EPB41L4A: variants seen among roughly 807,000 people sequenced by gnomAD.
EPB41L4A encodes band 4.1-like protein 4A.
EPB41L4A carries 100 observed loss-of-function variants against 108.6 expected under a neutral mutation model. That is an observed-to-expected ratio of 0.92 (90% CI 0.78 to 1.09). EPB41L4A has a LOEUF of 1.09. Ranked by LOEUF, EPB41L4A falls within the 50% of genes least tolerant of loss-of-function variation. The pLI, the probability that EPB41L4A is intolerant of heterozygous loss-of-function variation, is 0.00. For synonymous variants in EPB41L4A, 319 were observed against 289.0 expected, an observed-to-expected ratio of 1.10 and a Z score of -1.05; for missense variants, 1,030 against 842.7, an observed-to-expected ratio of 1.22 and a Z score of -2.75.
intron 12 of EPB41L4A, among the ~76,000 whole-genome samples, chr5:112,213,311 G>T (rs1225500211): frequency 6.6e-6 from 1 of 151,392 alleles, no homozygotes; most frequent in Non-Finnish European, 1.5e-5. Flanking sequence ...ATTCAAAATG[G>T]TAATCTACTG....
intron 18 of EPB41L4A, 77 bp from the exon 19 acceptor site, chr5:112,171,069 T>C: frequency 7.6e-7 from 1 of 1,308,674 alleles, no homozygotes; most frequent in Non-Finnish European, 1.1e-6. Flanking sequence ...TTAATAGTTT[T>C]CAGACTGTGA....
chr5:112,342,040 G>A (rs552741150), intron 1 of EPB41L4A, among the ~76,000 whole-genome samples: 82 of 152,116 alleles, frequency 5.4e-4, no homozygotes, highest in African/African-American at 1.8e-3. Flanking sequence ...GAGAATTCAC[G>A]AAACATTATG....
intron 2 of EPB41L4A, among the ~76,000 whole-genome samples, chr5:112,284,209 G>T (rs1290246866): frequency 6.6e-6 from 1 of 152,182 alleles, no homozygotes; most frequent in Non-Finnish European, 1.5e-5. Context: ...CCCACGTGAG[G>T]GGAAAGAGGA....
chr5:112,338,039 G>A (rs905194025), intron 1 of EPB41L4A, among the ~76,000 whole-genome samples: 6 of 152,132 alleles, frequency 3.9e-5, no homozygotes, highest in African/African-American at 1.4e-4. Context: ...GTTCAGGTCA[G>A]GCCTTCAACC....
At chr5:112,223,210 A>G (rs189684821) in intron 12 of EPB41L4A, among the ~76,000 whole-genome samples, 4 of 151,890 alleles carry the variant, frequency 2.6e-5, no homozygotes, top group Admixed American at 1.3e-4. Flanking sequence ...AAAGTGCTGG[A>G]ATTACAGGAT....
chr5:112,169,412 GA>G (rs1402337298), intron 20 of EPB41L4A, among the ~76,000 whole-genome samples: 1 of 151,990 alleles, frequency 6.6e-6, no homozygotes, highest in African/African-American at 2.4e-5. Context: ...TAGTAGCGTG[GA>G]AGTAAACAAA....
At chr5:112,189,029 A>G (rs558379120) in intron 17 of EPB41L4A, among the ~76,000 whole-genome samples, 1 of 152,364 alleles carries the variant, frequency 6.6e-6, no homozygotes, top group East Asian at 1.9e-4. Context: ...CATAATTAAA[A>G]TATTTAAATC....
chr5:112,366,700 A>G (rs1293330586), intron 1 of EPB41L4A, among the ~76,000 whole-genome samples: 1 of 152,100 alleles, frequency 6.6e-6, no homozygotes, highest in Non-Finnish European at 1.5e-5. Flanking sequence ...TGTTGTCCAC[A>G]GAGGTCAATA....
intron 1 of EPB41L4A, among the ~76,000 whole-genome samples, chr5:112,310,223 C>T (rs1342402573): frequency 6.6e-6 from 1 of 152,210 alleles, no homozygotes; most frequent in Non-Finnish European, 1.5e-5. Flanking sequence ...GTTATACTTT[C>T]TGACTGTCTA....
chr5:112,250,023 A>AT (rs397779486), intron 9 of EPB41L4A, among the ~76,000 whole-genome samples: 2 of 151,898 alleles, frequency 1.3e-5, no homozygotes, highest in African/African-American at 2.4e-5. Flanking sequence ...ATACACACAC[A>AT]TTTTTTTAAA....
chr5:112,351,555 C>T (rs1256329321), intron 1 of EPB41L4A, among the ~76,000 whole-genome samples: 1 of 152,090 alleles, frequency 6.6e-6, no homozygotes, highest in African/African-American at 2.4e-5. Context: ...ACAACTAACA[C>T]CAATTCTAAA....
intron 1 of EPB41L4A, among the ~76,000 whole-genome samples, chr5:112,310,001 T>C (rs1275979575): frequency 6.6e-6 from 1 of 152,190 alleles, no homozygotes; most frequent in Non-Finnish European, 1.5e-5. Flanking sequence ...TTCTTCCCCA[T>C]CATCCTCAGA....
intron 9 of EPB41L4A, among the ~76,000 whole-genome samples, chr5:112,258,431 T>C (rs976534642): frequency 4.6e-5 from 7 of 152,224 alleles, no homozygotes; most frequent in Non-Finnish European, 1.0e-4. Flanking sequence ...TGCACAAAGT[T>C]AGTATCAAAA....
intron 1 of EPB41L4A, among the ~76,000 whole-genome samples, chr5:112,336,622 G>C (rs547927305): frequency 6.6e-6 from 1 of 152,188 alleles, no homozygotes; most frequent in Non-Finnish European, 1.5e-5. Context: ...TTACCACTGA[G>C]TGGATCCAAA....
chr5:112,288,322 C>T (rs1391050469), intron 2 of EPB41L4A, among the ~76,000 whole-genome samples: 1 of 152,120 alleles, frequency 6.6e-6, no homozygotes, highest in African/African-American at 2.4e-5. Flanking sequence ...TCCACAAAAA[C>T]TTTTAGAAGA....
chr5:112,218,366 A>T (rs1747806221), intron 12 of EPB41L4A, among the ~76,000 whole-genome samples: 1 of 152,190 alleles, frequency 6.6e-6, no homozygotes, highest in South Asian at 2.1e-4. Flanking sequence ...AGTCACTTGG[A>T]TATCAAGTTT....
chr5:112,195,559 AAT>A, intron 16 of EPB41L4A, 100 bp downstream of exon 16: 2 of 1,002,442 alleles, frequency 2.0e-6, no homozygotes, highest in Admixed American at 2.6e-5. Context: ...AAGTAAAAAA[AAT>A]AAAAAAAAAT....
intron 1 of EPB41L4A, among the ~76,000 whole-genome samples, chr5:112,327,469 A>G (rs1322347125): frequency 2.6e-5 from 4 of 152,128 alleles, no homozygotes; most frequent in African/African-American, 9.7e-5. Flanking sequence ...TAATCCCAGC[A>G]CTTTGGGACA....
At chr5:112,373,543 C>T (rs1261353778) in intron 1 of EPB41L4A, among the ~76,000 whole-genome samples, 2 of 152,218 alleles carry the variant, frequency 1.3e-5, no homozygotes, top group South Asian at 4.1e-4. Flanking sequence ...TGTTATGTGT[C>T]ATGTGTTATT....
Sources: gnomAD v4.1 joint callset for allele counts (sites outside exome capture counted in the v4.1 genomes callset) on GRCh38, gnomAD v4.1.1 for gene constraint, MANE v1.5 for transcripts, NCBI Gene and HGNC (gene_info 2026-07-23, HGNC 2026-07-21) for gene names.